NOTCH2NLC: variants seen among roughly 807,000 people sequenced by gnomAD.
NOTCH2NLC encodes notch homolog 2 N-terminal-like protein C.
NOTCH2NLC carries 4 observed loss-of-function variants against 17.7 expected under a neutral mutation model. The observed-to-expected ratio is 0.23, with a 90% CI of 0.11 to 0.52. The LOEUF (loss-of-function observed/expected upper bound fraction) is 0.52, where lower values mean the gene tolerates loss of function less well. NOTCH2NLC is among the 20% of genes least tolerant of loss of function. The pLI is 0.96. For missense variants in NOTCH2NLC, 57 were observed against 207.2 expected (o/e 0.28, Z 4.45); for synonymous variants, 18 against 86.0 (o/e 0.21, Z 4.38).
chr1:149,471,571 G>A lies in NOTCH2NLC; in HGVS notation c.*7418G>A, dbSNP rs2084719794. On this transcript the variant is annotated 3_prime_UTR_variant, in exon 5 of 5. Coordinates refer to ENST00000650865, the MANE Select transcript of NOTCH2NLC (RefSeq NM_001364013.2). ...TTGTTGAATTAAGTGCCCAGAACAAGTACATCTATATATAGAGAAAGTAGA... is the reference window on the plus strand; with the variant it reads ...TTGTTGAATTAAGTGCCCAGAACAAATACATCTATATATAGAGAAAGTAGA... Among the ~76,000 whole-genome samples, 1 of 150,240 alleles carries A rather than the reference G, an allele frequency of 6.7e-6. No individual in the cohort carries two copies. The highest frequency in any genetic ancestry group is 6.7e-5 in the Admixed American group (1 of 14,972).
intron 2 of NOTCH2NLC, among the ~76,000 whole-genome samples, chr1:149,449,542 G>A (rs1484016858): frequency 6.7e-6 from 1 of 149,832 alleles, no homozygotes. Context: ...GAAGGGCTAC[G>A]TGTAAGAGAA....
intron 1 of NOTCH2NLC, among the ~76,000 whole-genome samples, 163 bp downstream of exon 1, chr1:149,391,085 C>G (rs1367334737): frequency 3.9e-5 from 3 of 77,518 alleles, no homozygotes; most frequent in African/African-American, 1.5e-4. Flanking sequence ...TCGCCGGGGG[C>G]CCCTCCCGTG....
At chr1:149,414,265 C>T (rs2084317490) in intron 1 of NOTCH2NLC, among the ~76,000 whole-genome samples, 1 of 149,866 alleles carries the variant, frequency 6.7e-6, no homozygotes, top group Non-Finnish European at 1.5e-5. Context: ...GGCATAGAAC[C>T]CAGAATCCAG....
At chr1:149,398,642 A>C (rs2084222988) in intron 1 of NOTCH2NLC, among the ~76,000 whole-genome samples, 2 of 151,050 alleles carry the variant, frequency 1.3e-5, no homozygotes, top group South Asian at 4.2e-4. Flanking sequence ...TTGGGGGTTC[A>C]CCTTAGTGTC....
intron 1 of NOTCH2NLC, among the ~76,000 whole-genome samples, chr1:149,393,002 G>A (rs1252396882): frequency 5.4e-5 from 8 of 146,852 alleles, no homozygotes; most frequent in African/African-American, 2.0e-4. Context: ...CCCGGGAGGC[G>A]GAGCTTGCAG....
chr1:149,457,157 C>CT (rs1353831845), intron 3 of NOTCH2NLC, among the ~76,000 whole-genome samples: 13 of 6,310 alleles, frequency 2.1e-3, no homozygotes, highest in Middle Eastern at 0.016. Flanking sequence ...CAAATGGTCT[C>CT]TAAGTTTTAT....
intron 1 of NOTCH2NLC, among the ~76,000 whole-genome samples, chr1:149,427,199 C>A (rs1438578826): frequency 2.7e-5 from 4 of 150,706 alleles, no homozygotes; most frequent in African/African-American, 9.7e-5. Flanking sequence ...TAACTATATT[C>A]ACCACTCTAT....
intron 3 of NOTCH2NLC, among the ~76,000 whole-genome samples, chr1:149,462,806 T>C: frequency 6.7e-6 from 1 of 148,822 alleles, no homozygotes; most frequent in South Asian, 2.1e-4. Context: ...ATAGGGAGAG[T>C]TCACTAGGAA....
At chr1:149,424,616 G>A (rs1185916406) in intron 1 of NOTCH2NLC, among the ~76,000 whole-genome samples, 1 of 150,476 alleles carries the variant, frequency 6.6e-6, no homozygotes, top group Non-Finnish European at 1.5e-5. Flanking sequence ...TTCTCCTTAT[G>A]CCTTCAGTGC....
At chr1:149,420,064 G>T (rs1349686807) in intron 1 of NOTCH2NLC, among the ~76,000 whole-genome samples, 1 of 148,434 alleles carries the variant, frequency 6.7e-6, no homozygotes, top group African/African-American at 2.5e-5. Context: ...TAGAGATGGG[G>T]TTTCACCGTG....
intron 3 of NOTCH2NLC, among the ~76,000 whole-genome samples, chr1:149,461,822 G>C (rs1182591769): frequency 6.7e-6 from 1 of 148,850 alleles, no homozygotes; most frequent in Non-Finnish European, 1.5e-5. Context: ...ATGAGTTCAT[G>C]TCCTTTGTAG....
At chr1:149,457,671 C>T (rs1160115922) in intron 3 of NOTCH2NLC, among the ~76,000 whole-genome samples, 6 of 148,228 alleles carry the variant, frequency 4.0e-5, no homozygotes, top group African/African-American at 1.2e-4. Flanking sequence ...ACTTGGGGTT[C>T]GATATTTGAG....
At chr1:149,429,551 G>A (rs1239451535) in intron 1 of NOTCH2NLC, among the ~76,000 whole-genome samples, 1 of 150,334 alleles carries the variant, frequency 6.7e-6, no homozygotes, top group Non-Finnish European at 1.5e-5. Context: ...GATAGTGCCT[G>A]GTATTTAGTA....
At chr1:149,394,835 A>G (rs1403427026) in intron 1 of NOTCH2NLC, among the ~76,000 whole-genome samples, 2 of 150,778 alleles carry the variant, frequency 1.3e-5, no homozygotes, top group Admixed American at 1.3e-4. Flanking sequence ...ATGACTTGAA[A>G]CCAAAAGGTC....
intron 1 of NOTCH2NLC, among the ~76,000 whole-genome samples, chr1:149,417,238 T>A (rs2084341143): frequency 1.4e-5 from 2 of 148,018 alleles, no homozygotes; most frequent in South Asian, 4.3e-4. Flanking sequence ...GCCTCCCAAG[T>A]AGCTGGGATT....
chr1:149,424,025 A>G (rs2084396566), intron 1 of NOTCH2NLC, among the ~76,000 whole-genome samples: 1 of 151,060 alleles, frequency 6.6e-6, no homozygotes, highest in Non-Finnish European at 1.5e-5. Context: ...TGTAGCTGGT[A>G]TGATACTGAA....
At chr1:149,424,141 T>C (rs1240833266) in intron 1 of NOTCH2NLC, among the ~76,000 whole-genome samples, 18 of 151,548 alleles carry the variant, frequency 1.2e-4, no homozygotes, top group African/African-American at 4.4e-4. Context: ...TCTGAGGCGC[T>C]GGAACTGGTT....
intron 1 of NOTCH2NLC, among the ~76,000 whole-genome samples, chr1:149,423,246 T>C (rs1487989362): frequency 6.7e-6 from 1 of 150,086 alleles, no homozygotes; most frequent in Admixed American, 6.6e-5. Flanking sequence ...TGCTTTTTTT[T>C]GGGTTTTTTT....
intron 3 of NOTCH2NLC, among the ~76,000 whole-genome samples, chr1:149,458,175 ATG>A (rs1396638456): frequency 9.0e-6 from 1 of 110,656 alleles, no homozygotes; most frequent in Non-Finnish European, 2.0e-5. Flanking sequence ...AGGAAATAAA[ATG>A]AAGATATTTT....
Sources: gnomAD v4.1 joint callset for allele counts (sites outside exome capture counted in the v4.1 genomes callset) on GRCh38, gnomAD v4.1.1 for gene constraint, MANE v1.5 for transcripts, NCBI Gene and HGNC (gene_info 2026-07-23, HGNC 2026-07-21) for gene names.